The following UNC13B variants were observed in gnomAD, a reference collection of about 807,000 sequenced individuals.
UNC13B encodes the protein unc-13 homolog B, also known as protein unc-13 homolog B.
Under a neutral mutation model 211.0 loss-of-function variants are expected in UNC13B, and 144 were observed. That is an observed-to-expected ratio of 0.68 (90% CI 0.60 to 0.78). The LOEUF is 0.78. UNC13B is among the 30% of genes least tolerant of loss of function. The pLI is 0.00. For synonymous variants in UNC13B, 709 were observed against 725.8 expected (o/e 0.98, Z 0.37); for missense variants, 1,777 against 2,002.0 (o/e 0.89, Z 2.14).
At chr9:35,284,776 G>C (rs1487447822) in intron 7 of UNC13B, among the ~76,000 whole-genome samples, 1 of 152,090 alleles carries the variant, frequency 6.6e-6, no homozygotes. Flanking sequence ...TGAGATACCT[G>C]GTAATTACTA....
chr9:35,221,655 A>G (rs1393501482), intron 1 of UNC13B, among the ~76,000 whole-genome samples: 1 of 152,210 alleles, frequency 6.6e-6, no homozygotes, highest in African/African-American at 2.4e-5. Flanking sequence ...CATTCAAATC[A>G]TAGCACTTGT....
chr9:35,332,138 C>T (rs746957038), intron 11 of UNC13B, among the ~76,000 whole-genome samples: 1 of 152,122 alleles, frequency 6.6e-6, no homozygotes, highest in Non-Finnish European at 1.5e-5. Context: ...TGAGCCACCA[C>T]GTCTGGCTAA....
At position 35,386,266 on chromosome 9, in the gene UNC13B, C is replaced by T. The variant is rs761960897; in HGVS notation, c.11067C>T (p.His3689=). 7.4e-6 allele frequency: 12 copies of T among 1,614,110 alleles called. No homozygotes were observed. Among genetic ancestry groups the T allele is most frequent in the Admixed American group, 1.7e-5 (1 of 60,014 alleles). Residue 3689 remains histidine, a synonymous_variant, in exon 24 of 40, where the codon CAC becomes CAT. Coordinates refer to ENST00000635942, the MANE Select transcript of UNC13B (RefSeq NM_001371189.2). ...STYEYIFNNC[H]DLYSRQYQLK... Reference sequence around the variant, plus strand: ...ATGAATATATCTTCAACAACTGCCACGACTTATACAGCCGCCAGTACCAGC... The same window carrying T: ...ATGAATATATCTTCAACAACTGCCATGACTTATACAGCCGCCAGTACCAGC...
rs1210797357 is a variant in UNC13B, at chr9:35,183,432, G to T, written c.22+21127G>T. ...GCTCCCCCAACCTCCCAGATGAAGG[G>T]CGGCCGGGCAGAGGAGCCCCTCACC... is the stretch of plus-strand genomic sequence containing the variant. On this transcript the variant is annotated intron_variant, in intron 1 of 39. Coordinates refer to ENST00000635942, the MANE Select transcript of UNC13B (RefSeq NM_001371189.2). Among the ~76,000 whole-genome samples, 4 of 139,246 alleles carry T rather than the reference G, an allele frequency of 2.9e-5. 1 individual carries two copies. The highest frequency in any genetic ancestry group is 2.8e-4 in the Admixed American group (4 of 14,194). The allele number at this position is 139,246 out of a possible 152,430, so 91.4% of individuals were successfully genotyped here.
chr9:35,227,754 G>A (rs1283710539), intron 1 of UNC13B: 4 of 373,348 alleles, frequency 1.1e-5, no homozygotes, highest in Non-Finnish European at 1.9e-5. Context: ...TGCCACAGGA[G>A]TAACTTAGAT....
intron 6 of UNC13B, among the ~76,000 whole-genome samples, chr9:35,251,288 AT>A: frequency 6.6e-6 from 1 of 151,924 alleles, no homozygotes; most frequent in South Asian, 2.1e-4. Flanking sequence ...TTGCTGGAGT[AT>A]TTTAAAACCA....
intron 1 of UNC13B, among the ~76,000 whole-genome samples, chr9:35,163,284 G>A (rs1039242097): frequency 6.6e-6 from 1 of 152,140 alleles, no homozygotes; most frequent in Non-Finnish European, 1.5e-5. Context: ...TTACTGGAGA[G>A]TTCATATTTC....
intron 37 of UNC13B, 25 bp downstream of exon 37, chr9:35,400,468 TCC>T: frequency 6.2e-7 from 1 of 1,605,600 alleles, no homozygotes; most frequent in Non-Finnish European, 8.5e-7. Context: ...GCTTTGGGTA[TCC>T]ACCTCTCCTC....
chr9:35,234,598 G>A (rs17360668), intron 3 of UNC13B, among the ~76,000 whole-genome samples: 27,811 of 152,066 alleles, frequency 0.18, 2,877 homozygotes, highest in Non-Finnish European at 0.24. Flanking sequence ...TCTACTTTGT[G>A]GCTCTGAACA....
intron 7 of UNC13B, among the ~76,000 whole-genome samples, chr9:35,273,651 C>T (rs1250467900): frequency 2.6e-5 from 4 of 152,120 alleles, no homozygotes; most frequent in Non-Finnish European, 4.4e-5. Flanking sequence ...CCCACTTGGA[C>T]GATTAGGTTC....
At chr9:35,335,413 A>G (rs141545393) in intron 11 of UNC13B, among the ~76,000 whole-genome samples, 20 of 152,334 alleles carry the variant, frequency 1.3e-4, no homozygotes, top group Admixed American at 3.9e-4. Flanking sequence ...AAGTACAGTC[A>G]TATTGTAAGA....
chr9:35,259,772 T>A (rs994784987), intron 7 of UNC13B, among the ~76,000 whole-genome samples: 10 of 113,142 alleles, frequency 8.8e-5, no homozygotes, highest in Non-Finnish European at 1.4e-4. Flanking sequence ...GATATGTGTG[T>A]GTGTGTGTGT....
chr9:35,384,729 G>A (rs1341012568), intron 22 of UNC13B: 39 of 985,256 alleles, frequency 4.0e-5, no homozygotes, highest in Non-Finnish European at 4.7e-5. Flanking sequence ...GGGACAGAGA[G>A]TAGCTTGGCT....
At chr9:35,174,473 C>T (rs549231135) in intron 1 of UNC13B, among the ~76,000 whole-genome samples, 37 of 151,976 alleles carry the variant, frequency 2.4e-4, no homozygotes, top group East Asian at 9.7e-4. Flanking sequence ...TACAGGTGTG[C>T]GCCACCATGC....
chr9:35,402,659 G>T (rs1265658789), intron 37 of UNC13B, among the ~76,000 whole-genome samples: 1 of 152,072 alleles, frequency 6.6e-6, no homozygotes, highest in African/African-American at 2.4e-5. Flanking sequence ...TTGGAACTGG[G>T]GAGTTCATTC....
chr9:35,308,387 A>G lies in UNC13B; in HGVS notation c.8983A>G (p.Ile2995Val), dbSNP rs1830028076. 1 of 399,086 alleles carries G rather than the reference A, an allele frequency of 2.5e-6. No homozygotes were observed. Among genetic ancestry groups the G allele is most frequent in the Non-Finnish European group, 4.4e-6 (1 of 226,068 alleles). The allele number at this position is 399,086 out of a possible 1,614,324, so 24.7% of individuals were successfully genotyped here. Residue 2995 changes from isoleucine to valine, a missense_variant, in exon 9 of 40, where the codon ATC (isoleucine) becomes GTC (valine). Ile to Val is a conservative substitution (Grantham distance 29, BLOSUM62 3). Transcript: ENST00000635942. Reference sequence around the variant, plus strand: ...ACAGCAGCCAGTCACTCTGAATGACATCAAGGAGCCCATGACCAACAAAAG... The same window carrying G: ...ACAGCAGCCAGTCACTCTGAATGACGTCAAGGAGCCCATGACCAACAAAAG... Reference protein sequence around the residue: ...NVQQPVTLNDIKEPMTNKSPT... With the variant: ...NVQQPVTLNDVKEPMTNKSPT...
At chr9:35,385,921 T>A in intron 23 of UNC13B, 108 bp downstream of exon 23, 1 of 1,459,282 alleles carries the variant, frequency 6.9e-7, no homozygotes. Context: ...ATTCATCACC[T>A]CTAAGCTTAC....
intron 22 of UNC13B, chr9:35,385,015 A>G (rs1220144649): frequency 8.1e-6 from 8 of 984,506 alleles, no homozygotes; most frequent in Non-Finnish European, 9.6e-6. Flanking sequence ...AGTGCCCTCC[A>G]TTTGCACAAA....
At chr9:35,330,113 C>T in intron 11 of UNC13B, among the ~76,000 whole-genome samples, 1 of 152,154 alleles carries the variant, frequency 6.6e-6, no homozygotes, top group South Asian at 2.1e-4. Context: ...CTAACAAATT[C>T]ATATTTGTTG....
Sources: gnomAD v4.1 joint callset for allele counts (sites outside exome capture counted in the v4.1 genomes callset) on GRCh38, gnomAD v4.1.1 for gene constraint, MANE v1.5 for transcripts, NCBI Gene and HGNC (gene_info 2026-07-23, HGNC 2026-07-21) for gene names.